The following MMP26 variants were observed in gnomAD, a reference collection of about 807,000 sequenced individuals.
MMP26 encodes matrix metalloproteinase-26.
A neutral mutation model predicts 31.0 loss-of-function variants in MMP26; 33 were observed. That is an observed-to-expected ratio of 1.06 (90% confidence interval 0.81 to 1.42). MMP26 has a LOEUF of 1.42. Among genes scored for constraint, MMP26 ranks in the 40% most tolerant of loss-of-function variants. The probability of loss-of-function intolerance (pLI) is 0.00; values close to 1 mark genes in which losing one functional copy is unlikely to be tolerated. For synonymous variants in MMP26, 122 were observed against 114.9 expected (o/e 1.06, Z -0.40); for missense variants, 347 against 316.1 (o/e 1.10, Z -0.74).
chr11:4,790,162 A>C (rs1189196311), intron 2 of MMP26, among the ~76,000 whole-genome samples: 2 of 152,022 alleles, frequency 1.3e-5, no homozygotes, highest in Non-Finnish European at 2.9e-5. Context: ...TAACATAGTG[A>C]AACCCCGTCT....
intron 2 of MMP26, among the ~76,000 whole-genome samples, chr11:4,967,638 C>T (rs918627169): frequency 4.6e-5 from 7 of 152,156 alleles, no homozygotes; most frequent in African/African-American, 1.7e-4. Flanking sequence ...GCTTTGGCTT[C>T]ATAAAGTCAA....
rs1483144770 is a variant in MMP26, at chr11:4,723,286, G to A, written c.-217+18241G>A. ...TGCAGATCTCAGTCTTGTGCGCTGC[G>A]GGTCATCCTCCTGCTTCCCAGCCAG... On this transcript the variant is annotated intron_variant, in intron 1 of 7. Transcript: ENST00000380390. 3.0e-5 allele frequency: 31 copies of A among 1,025,888 alleles called. No homozygotes were observed. The Middle Eastern group carries it at 8.6e-4, about 29-fold the overall frequency. The allele number at this position is 1,025,888 out of a possible 1,614,324, so 63.5% of individuals were successfully genotyped here.
At chr11:4,933,034 C>T (rs111489679) in intron 2 of MMP26, among the ~76,000 whole-genome samples, 2,845 of 152,072 alleles carry the variant, frequency 0.019, 35 homozygotes, top group Middle Eastern at 0.037. Flanking sequence ...TATTTCTCTA[C>T]GATGTTAAAT....
intron 2 of MMP26, among the ~76,000 whole-genome samples, chr11:4,910,833 T>TA (rs35562013): frequency 0.097 from 14,533 of 149,620 alleles, 871 homozygotes; most frequent in Middle Eastern, 0.2. Flanking sequence ...CATCATGGAA[T>TA]AAAAAAAAAA....
intron 5 of MMP26, 118 bp downstream of exon 5, chr11:4,990,864 C>A: frequency 9.5e-7 from 1 of 1,052,610 alleles, no homozygotes; most frequent in South Asian, 2.0e-5. Context: ...AAAAGTCTGA[C>A]AAAACCCTAC....
At chr11:4,874,587 T>C (rs1564798180) in intron 2 of MMP26, among the ~76,000 whole-genome samples, 2 of 151,210 alleles carry the variant, frequency 1.3e-5, no homozygotes, top group African/African-American at 4.9e-5. Flanking sequence ...TGTGTGTGTG[T>C]GCATTCTTAA....
chr11:4,881,747 C>A (rs1036682647), intron 2 of MMP26: 45 of 712,250 alleles, frequency 6.3e-5, no homozygotes, highest in Admixed American at 5.0e-4. Flanking sequence ...TACTATTTAA[C>A]CTTCCTGGGT....
At chr11:4,984,091 C>T (rs943817214) in intron 2 of MMP26, among the ~76,000 whole-genome samples, 10 of 152,112 alleles carry the variant, frequency 6.6e-5, no homozygotes, top group Non-Finnish European at 1.2e-4. Context: ...TCTGTGCCGG[C>T]CCTATCGGAT....
Position 4,992,425 on chromosome 11 carries a change from A to G in MMP26, c.*183A>G. 1.6e-6 allele frequency: 1 copy of G among 618,164 alleles called. No homozygotes were observed. Among genetic ancestry groups the G allele is most frequent in the East Asian group, 2.8e-5 (1 of 35,984 alleles). The allele number at this position is 618,164 out of a possible 1,614,324, so 38.3% of individuals were successfully genotyped here. A position where few individuals can be genotyped will look rare whatever the true frequency, so the allele number is the denominator to read the frequency against. ...AGTCACAATAAAGATTGTTTTAAAG[A>G]GTAATATTTTGTCCTCATAATTTGA... On this transcript the variant is annotated 3_prime_UTR_variant, in exon 8 of 8. Transcript: ENST00000380390.
chr11:4,890,339 G>T, intron 2 of MMP26: 1 of 162,054 alleles, frequency 6.2e-6, no homozygotes, highest in East Asian at 1.7e-4. Context: ...TGAATACAAA[G>T]ATCCTCAGCA....
At chr11:4,923,239 G>C (rs1307313928) in intron 2 of MMP26, 1 of 749,602 alleles carries the variant, frequency 1.3e-6, no homozygotes, top group East Asian at 2.8e-5. Flanking sequence ...CTTTCTCCTG[G>C]TCACACTGCC....
intron 2 of MMP26, among the ~76,000 whole-genome samples, chr11:4,898,582 C>T (rs547215704): frequency 4.6e-5 from 7 of 152,102 alleles, no homozygotes; most frequent in African/African-American, 9.6e-5. Context: ...TATCTTTCCA[C>T]GTTCTAATGA....
At chr11:4,849,224 G>A (rs989809742) in intron 2 of MMP26, 4 of 1,578,958 alleles carry the variant, frequency 2.5e-6, no homozygotes, top group East Asian at 4.5e-5. Flanking sequence ...AGGATTCCAC[G>A]TTGAACTCTG....
At chr11:4,963,883 T>A (rs1168713671) in intron 2 of MMP26, among the ~76,000 whole-genome samples, 1 of 152,182 alleles carries the variant, frequency 6.6e-6, no homozygotes, top group Non-Finnish European at 1.5e-5. Flanking sequence ...TGAGCTTTTT[T>A]TCATGTTTGT....
intron 2 of MMP26, among the ~76,000 whole-genome samples, chr11:4,986,879 T>A (rs1846898102): frequency 7.4e-6 from 1 of 134,712 alleles, no homozygotes. Context: ...ATTTCCAGAG[T>A]TCTGTGACTT....
At chr11:4,769,220 G>A in intron 2 of MMP26, 2 of 1,613,864 alleles carry the variant, frequency 1.2e-6, no homozygotes, top group African/African-American at 1.3e-5. Context: ...CCATTCTTCA[G>A]GGGAGGCAAT....
intron 2 of MMP26, among the ~76,000 whole-genome samples, chr11:4,921,333 A>G (rs944190401): frequency 6.6e-6 from 1 of 152,240 alleles, no homozygotes; most frequent in African/African-American, 2.4e-5. Flanking sequence ...CTTTTCCAAA[A>G]GAGGCCCAGC....
chr11:4,965,209 C>T (rs1846575386), intron 2 of MMP26, among the ~76,000 whole-genome samples: 1 of 152,134 alleles, frequency 6.6e-6, no homozygotes, highest in African/African-American at 2.4e-5. Context: ...AAATCTCTCC[C>T]AAGTAAGCCA....
intron 2 of MMP26, among the ~76,000 whole-genome samples, chr11:4,846,446 G>A (rs1178671340): frequency 6.6e-6 from 1 of 152,042 alleles, no homozygotes; most frequent in Non-Finnish European, 1.5e-5. Context: ...TGGTTAATGG[G>A]TATAAAAAAT....
Sources: gnomAD v4.1 joint callset for allele counts (sites outside exome capture counted in the v4.1 genomes callset) on GRCh38, gnomAD v4.1.1 for gene constraint, MANE v1.5 for transcripts, NCBI Gene and HGNC (gene_info 2026-07-23, HGNC 2026-07-21) for gene names.